Variants in GIGYF2 observed in about 807,000 individuals in gnomAD.
GIGYF2 encodes the protein GRB10-interacting GYF protein 2.
In GIGYF2, 25 loss-of-function variants were observed where a neutral mutation model predicts 208.1. That is an observed-to-expected ratio of 0.12 (90% CI 0.09 to 0.17). The LOEUF (loss-of-function observed/expected upper bound fraction) is 0.17. Ranked by LOEUF, GIGYF2 falls within the 10% of genes least tolerant of loss-of-function variation. The pLI, the probability that GIGYF2 is intolerant of heterozygous loss-of-function variation, is 1.00. For missense variants in GIGYF2, 1,302 were observed against 1,579.4 expected (o/e 0.82, Z 2.98); for synonymous variants, 534 against 543.8 (o/e 0.98, Z 0.25).
At chr2:232,843,457 G>A (rs368683103) in intron 23 of GIGYF2, among the ~76,000 whole-genome samples, 73 of 151,918 alleles carry the variant, frequency 4.8e-4, no homozygotes, top group African/African-American at 1.6e-3. Flanking sequence ...CAGCTACTCA[G>A]GAGGCCGAGG....
At chr2:232,745,184 G>A (rs1454643776) in intron 3 of GIGYF2, among the ~76,000 whole-genome samples, 1 of 152,072 alleles carries the variant, frequency 6.6e-6, no homozygotes, top group Non-Finnish European at 1.5e-5. Context: ...TTTTATGGGG[G>A]TTGAACTAAA....
chr2:232,833,880 CTT>C (rs79831639), intron 22 of GIGYF2, among the ~76,000 whole-genome samples: 7 of 140,502 alleles, frequency 5.0e-5, no homozygotes, highest in African/African-American at 1.6e-4. Flanking sequence ...GGATTCAAAA[CTT>C]TTTTTTTTTT....
intron 22 of GIGYF2, among the ~76,000 whole-genome samples, chr2:232,838,031 T>C (rs191862443): frequency 2.3e-4 from 35 of 152,284 alleles, no homozygotes; most frequent in Admixed American, 2.2e-3. Context: ...GCAGTTCTCC[T>C]GAGTGGGCAT....
chr2:232,841,567 G>A (rs982824724), intron 23 of GIGYF2, among the ~76,000 whole-genome samples: 2 of 151,310 alleles, frequency 1.3e-5, no homozygotes, highest in Non-Finnish European at 2.9e-5. Flanking sequence ...CACCCGCCTC[G>A]GCCTCCCAAA....
intron 3 of GIGYF2, among the ~76,000 whole-genome samples, chr2:232,739,374 C>G (rs568386414): frequency 5.6e-4 from 62 of 109,924 alleles, no homozygotes; most frequent in South Asian, 9.5e-4. Context: ...CCCCCCCCCC[C>G]GCAAAAAAAA....
Position 232,860,155 on chromosome 2 carries a change from G to GGGTTTTTGTTTT in GIGYF2, c.*3296_*3307dup, listed in dbSNP as rs1360664700. On this transcript the variant is annotated 3_prime_UTR_variant, in exon 29 of 29. Coordinates refer to ENST00000373563, the MANE Select transcript of GIGYF2 (RefSeq NM_001103146.3). ...TTTATTTTCATTGGCTTTAAGTTGA[G>GGGTTTTTGTTTT]GGTTTTTGTTTTTGTTTTTGTATTG... 6.6e-6 allele frequency: 1 copy of GGGTTTTTGTTTT among 152,010 alleles called. No individual in the cohort carries two copies. The highest frequency in any genetic ancestry group is 1.5e-5 in the Non-Finnish European group (1 of 68,004). 9.4% of individuals were successfully genotyped at this position (152,010 alleles called of 1,614,324 possible). A position where few individuals can be genotyped will look rare whatever the true frequency, so the allele number is the denominator to read the frequency against.
At chr2:232,825,664 ACATAAACGTAGTTGATAAAG>A (rs935300868) in intron 21 of GIGYF2, among the ~76,000 whole-genome samples, 2 of 152,216 alleles carry the variant, frequency 1.3e-5, no homozygotes, top group Non-Finnish European at 2.9e-5. Context: ...ACAAAGGATT[ACATAAACGTAGTTGATAAAG>A]CAGTGGCAGG....
At chr2:232,711,634 T>G (rs1463052028) in intron 2 of GIGYF2, among the ~76,000 whole-genome samples, 1 of 150,376 alleles carries the variant, frequency 6.6e-6, no homozygotes, top group Non-Finnish European at 1.5e-5. Context: ...TTATATTTGC[T>G]TCTGCATTCA....
intron 5 of GIGYF2, among the ~76,000 whole-genome samples, chr2:232,753,812 CTA>C (rs1184905574): frequency 6.6e-6 from 1 of 152,086 alleles, no homozygotes; most frequent in African/African-American, 2.4e-5. Flanking sequence ...CTCCATGTCT[CTA>C]TATATTAGGT....
chr2:232,729,563 T>G, intron 2 of GIGYF2: 1 of 1,406,192 alleles, frequency 7.1e-7, no homozygotes, highest in South Asian at 1.2e-5. Context: ...GGACTGCACA[T>G]AGTCTTCAAA....
rs929097697 is a variant in GIGYF2 at position 232,858,373 on chromosome 2, C to T, written c.*1513C>T. 4.9e-6 allele frequency: 2 copies of T among 409,046 alleles called. No homozygotes were observed. The highest frequency in any genetic ancestry group is 4.8e-6 in the Non-Finnish European group (1 of 210,012). The allele number at this position is 409,046 out of a possible 1,614,324, so 25.3% of individuals were successfully genotyped here. On this transcript the variant is annotated 3_prime_UTR_variant, in exon 29 of 29. Transcript: ENST00000373563. ...CATTCTCCCTATCCCTTCTTGCCTC[C>T]CTCCCTTCTAAACATGTGTAATAAC...
At chr2:232,768,336 A>C in intron 8 of GIGYF2, 1 of 1,614,178 alleles carries the variant, frequency 6.2e-7, no homozygotes, top group Non-Finnish European at 8.5e-7. Flanking sequence ...CTCCATCTTG[A>C]TTTGATATTC....
At chr2:232,789,259 G>A (rs57211905) in intron 9 of GIGYF2, among the ~76,000 whole-genome samples, 7,263 of 152,156 alleles carry the variant, frequency 0.048, 270 homozygotes, top group East Asian at 0.17. Context: ...CTGGATGTGC[G>A]TGGGGGTGGG....
intron 8 of GIGYF2, among the ~76,000 whole-genome samples, chr2:232,762,287 C>G (rs1698774522): frequency 7.0e-6 from 1 of 143,630 alleles, no homozygotes; most frequent in African/African-American, 2.6e-5. Context: ...GCTGGAGACT[C>G]TGTCACCCAG....
chr2:232,820,863 C>T (rs997808586), intron 21 of GIGYF2, among the ~76,000 whole-genome samples: 1 of 152,068 alleles, frequency 6.6e-6, no homozygotes, highest in Non-Finnish European at 1.5e-5. Flanking sequence ...AAGAGCCTCA[C>T]TCTGTTGCCC....
chr2:232,737,545 C>T (rs1231162258), intron 3 of GIGYF2, among the ~76,000 whole-genome samples: 1 of 152,056 alleles, frequency 6.6e-6, no homozygotes, highest in Non-Finnish European at 1.5e-5. Context: ...TATATGAGGC[C>T]CTTAAGTAAC....
chr2:232,750,138 T>C (rs1397721592), intron 5 of GIGYF2, among the ~76,000 whole-genome samples: 1 of 151,676 alleles, frequency 6.6e-6, no homozygotes, highest in Non-Finnish European at 1.5e-5. Flanking sequence ...TGAGCTGAGA[T>C]TGCATCACTG....
chr2:232,836,298 A>ACATACT (rs1331242929), intron 22 of GIGYF2, among the ~76,000 whole-genome samples: 5 of 20,578 alleles, frequency 2.4e-4, no homozygotes, highest in African/African-American at 7.5e-4. Context: ...ATATATATAT[A>ACATACT]TATATATATA....
rs1331123136 is a variant in GIGYF2 at position 232,768,254 on chromosome 2, A to G, written c.532+6818A>G. On this transcript the variant is annotated intron_variant, in intron 8 of 28. Coordinates refer to ENST00000373563, the MANE Select transcript of GIGYF2 (RefSeq NM_001103146.3). ...CAATGCTTTGTCCATTGATGTGGAT[A>G]TCCAGGTCAGTCCTGTTTGGGCTTT... 6 of 1,614,032 alleles carry G rather than the reference A, an allele frequency of 3.7e-6. No individual in the cohort carries two copies. The Admixed American group carries it at 8.3e-5, about 22-fold the overall frequency.
Sources: gnomAD v4.1 joint callset for allele counts (sites outside exome capture counted in the v4.1 genomes callset) on GRCh38, gnomAD v4.1.1 for gene constraint, MANE v1.5 for transcripts, NCBI Gene and HGNC (gene_info 2026-07-23, HGNC 2026-07-21) for gene names.